Variants in ADAMTS18 observed in about 807,000 individuals in gnomAD.
ADAMTS18 encodes the protein ADAM metallopeptidase with thrombospondin type 1 motif 18, also known as A disintegrin and metalloproteinase with thrombospondin motifs 18.
Under a neutral mutation model 165.9 loss-of-function variants are expected in ADAMTS18, and 157 were observed. The observed-to-expected ratio is 0.95, with a 90% CI of 0.83 to 1.08. The LOEUF (loss-of-function observed/expected upper bound fraction) is 1.08. ADAMTS18 is among the 50% of genes least tolerant of loss of function. ADAMTS18 has a pLI of 0.00. For synonymous variants in ADAMTS18, 782 were observed against 578.2 expected (o/e 1.35, Z -5.06); for missense variants, 2,040 against 1,534.0 (o/e 1.33, Z -5.51).
chr16:77,373,780 C>A (rs1320248400), intron 3 of ADAMTS18, among the ~76,000 whole-genome samples: 1 of 152,178 alleles, frequency 6.6e-6, no homozygotes, highest in Non-Finnish European at 1.5e-5. Context: ...TCACAGTTTA[C>A]TGGCTTTATG....
rs76893165 is a variant in ADAMTS18 at position 77,374,001 on chromosome 16, G to A, written c.496-6278C>T. Among the ~76,000 whole-genome samples the A allele has an allele frequency of 5.0e-3, 765 of 152,086 alleles. 21 individuals carry two copies. The East Asian group carries it at 0.054, about 11-fold the overall frequency. On this transcript the variant is annotated intron_variant, in intron 3 of 22. Coordinates refer to ENST00000282849, the MANE Select transcript of ADAMTS18 (RefSeq NM_199355.4). ...CAGGAGGCCAAGGAGTGCAGATCAC[G>A]TGAGGTCAGGAGTTATAGACCAGCC...
Position 77,282,334 on chromosome 16 carries a change from G to GAAAT in ADAMTS18, c.*1618_*1621dup, listed in dbSNP as rs1442899010. The GAAAT allele has an allele frequency of 6.6e-6, 1 of 151,812 alleles. No individual in the cohort carries two copies. The highest frequency in any genetic ancestry group is 1.5e-5 in the Non-Finnish European group (1 of 67,964). The allele number at this position is 151,812 out of a possible 1,614,324, so 9.4% of individuals were successfully genotyped here. Reference sequence around the variant, plus strand: ...AATAATAAAATGATAATTATATAAAGAAATAACTTGCTGTTTTTCAGAAGG... The same window carrying GAAAT: ...AATAATAAAATGATAATTATATAAAGAAATAAATAACTTGCTGTTTTTCAGAAGG... On this transcript the variant is annotated 3_prime_UTR_variant, in exon 23 of 23. Transcript: ENST00000282849.
chr16:77,377,540 T>C (rs550148890), intron 3 of ADAMTS18, among the ~76,000 whole-genome samples: 3 of 152,348 alleles, frequency 2.0e-5, no homozygotes, highest in African/African-American at 7.2e-5. Flanking sequence ...GTATTTGAAA[T>C]AATAATAAAA....
At chr16:77,375,016 T>A (rs2056928668) in intron 3 of ADAMTS18, among the ~76,000 whole-genome samples, 1 of 152,054 alleles carries the variant, frequency 6.6e-6, no homozygotes, top group African/African-American at 2.4e-5. Context: ...AAAGAAACCA[T>A]CTGTTTATTT....
At chr16:77,393,886 C>T (rs1290447960) in intron 3 of ADAMTS18, among the ~76,000 whole-genome samples, 2 of 152,184 alleles carry the variant, frequency 1.3e-5, no homozygotes, top group Non-Finnish European at 2.9e-5. Flanking sequence ...CTTTGACAAA[C>T]AGAAGCCAAG....
rs148727471 is a variant in ADAMTS18, at chr16:77,370,790, G to GATATATATATATATATAT, written c.496-3068_496-3067insATATATATATATATATAT. Among the ~76,000 whole-genome samples, 406 of 146,994 alleles carry GATATATATATATATATAT rather than the reference G, an allele frequency of 2.8e-3. 1 individual carries two copies. Among genetic ancestry groups the GATATATATATATATATAT allele is most frequent in the African/African-American group, 0.01 (394 of 39,364 alleles). On this transcript the variant is annotated intron_variant, in intron 3 of 22. Coordinates refer to ENST00000282849, the MANE Select transcript of ADAMTS18 (RefSeq NM_199355.4). ...AAACAATCCCATTTATAATAGCTAC[G>GATATATATATATATATAT]ATATATATATATATATACATATACA...
Position 77,353,761 on chromosome 16 carries a change from G to A in ADAMTS18, c.1586C>T (p.Ala529Val). 1 of 1,614,082 alleles carries A rather than the reference G, an allele frequency of 6.2e-7. No homozygotes were observed. The highest frequency in any genetic ancestry group is 8.5e-7 in the Non-Finnish European group (1 of 1,180,022). The change falls in exon 10 of 23, where the codon GCC becomes GTC. Residue 529 changes from alanine (A) to valine (V), a missense_variant. Transcript: ENST00000282849. ...CACAAAACCAAGGCTGCATAACTTG[G>A]CTTTTGCTCCAAATTGCCATTTACA... ...TQCKWQFGAK[A>V]KLCSLGFVKD... is the part of the protein sequence containing the mutation.
rs966573905 is a variant in ADAMTS18 at position 77,364,270 on chromosome 16, G to A, written c.890C>T (p.Thr297Ile). The part of the protein sequence containing the change: ...GKSQKGLNVE[T>I]LVVADKKMVE... The stretch of plus-strand genomic sequence containing the variant: ...CATTTTCTTGTCTGCCACCACGAGG[G>A]TTTCCACATTGAGGCCCTTTTGTGA... The change falls in exon 5 of 23, where the codon ACC becomes ATC. Residue 297 changes from threonine to isoleucine, a missense_variant. Physicochemically the swap from Thr to Ile is moderately conservative, Grantham distance 89 (BLOSUM62 -1). Coordinates refer to ENST00000282849, the MANE Select transcript of ADAMTS18 (RefSeq NM_199355.4). The A allele has an allele frequency of 1.9e-6, 3 of 1,613,912 alleles. No homozygotes were observed. The highest frequency in any genetic ancestry group is 1.7e-5 in the Admixed American group (1 of 59,972).
intron 22 of ADAMTS18, among the ~76,000 whole-genome samples, chr16:77,286,727 G>C (rs1306268519): frequency 6.6e-6 from 1 of 152,108 alleles, no homozygotes; most frequent in Non-Finnish European, 1.5e-5. Flanking sequence ...TTAGTATTGA[G>C]TGCCTGCTCA....
intron 3 of ADAMTS18, among the ~76,000 whole-genome samples, chr16:77,424,260 G>A (rs916069451): frequency 6.6e-6 from 1 of 152,104 alleles, no homozygotes; most frequent in Non-Finnish European, 1.5e-5. Flanking sequence ...CCTAAGGTTG[G>A]GAGTTCAAGA....
chr16:77,354,616 G>A (rs1350814134), intron 9 of ADAMTS18, among the ~76,000 whole-genome samples: 1 of 151,394 alleles, frequency 6.6e-6, no homozygotes, highest in Non-Finnish European at 1.5e-5. Flanking sequence ...AGACAGATGG[G>A]GGTCCTAATC....
chr16:77,295,059 T>C lies in ADAMTS18; in HGVS notation c.2870A>G (p.Gln957Arg), dbSNP rs1413487306. The change falls in exon 19 of 23, where the codon CAG becomes CGG. Residue 957 changes from glutamine (Q) to arginine (R), a missense_variant. By Grantham distance (43) the Gln-to-Arg change is conservative. Transcript: ENST00000282849. ...CAGGQQSRKIQCVQKKPFQKE... is the reference protein window; with the variant it reads ...CAGGQQSRKIRCVQKKPFQKE... ...TTGGAAGGGCTTCTTTTGCACACAC[T>C]GGATCTTTCGGCTCTGCTGGCCTCC... The C allele has an allele frequency of 1.9e-6, 3 of 1,614,210 alleles. No homozygotes were observed. The Admixed American group carries it at 5.0e-5, about 27-fold the overall frequency.
intron 19 of ADAMTS18, among the ~76,000 whole-genome samples, chr16:77,294,290 G>C (rs1248415130): frequency 6.6e-6 from 1 of 152,052 alleles, no homozygotes; most frequent in Admixed American, 6.5e-5. Context: ...AGCTGGCCTG[G>C]GCTGTGTAGG....
chr16:77,395,296 T>C (rs1221788263), intron 3 of ADAMTS18, among the ~76,000 whole-genome samples: 18 of 152,138 alleles, frequency 1.2e-4, no homozygotes, highest in Admixed American at 1.2e-3. Context: ...GTAAGGTCCT[T>C]AGGACTGGCC....
intron 3 of ADAMTS18, among the ~76,000 whole-genome samples, chr16:77,370,692 G>A (rs905189468): frequency 6.6e-6 from 1 of 152,132 alleles, no homozygotes; most frequent in Admixed American, 6.5e-5. Flanking sequence ...GGAGGTTACA[G>A]TGAGCAGAGA....
intron 10 of ADAMTS18, among the ~76,000 whole-genome samples, chr16:77,349,444 C>T (rs550124306): frequency 2.4e-4 from 36 of 150,086 alleles, no homozygotes; most frequent in African/African-American, 8.7e-4. Context: ...TCCCCTGCCC[C>T]ACTGTGTCTA....
chr16:77,403,259 C>G (rs935276834), intron 3 of ADAMTS18, among the ~76,000 whole-genome samples: 1 of 152,088 alleles, frequency 6.6e-6, no homozygotes, highest in Non-Finnish European at 1.5e-5. Context: ...ATTTTTTTAT[C>G]CTTAGGCTAA....
Position 77,325,948 on chromosome 16 carries a change from A to G in ADAMTS18, c.1950T>C (p.Phe650=). The G allele has an allele frequency of 6.2e-7, 1 of 1,614,144 alleles. No homozygotes were observed. Among genetic ancestry groups the G allele is most frequent in the Non-Finnish European group, 8.5e-7 (1 of 1,180,006 alleles). The change falls in exon 13 of 23, where the codon TTT becomes TTC. Residue 650 remains phenylalanine, a synonymous_variant. Coordinates refer to ENST00000282849, the MANE Select transcript of ADAMTS18 (RefSeq NM_199355.4). ...TATATTCTGCACACTGTTGAGCCCG[A>G]AAATCCAAGCTATTTTCATTGCAAG... is the stretch of plus-strand genomic sequence containing the variant. ...INPCNENSLD[F]RAQQCAEYNS...
chr16:77,400,747 G>C (rs1567541991), intron 3 of ADAMTS18, among the ~76,000 whole-genome samples: 1 of 151,640 alleles, frequency 6.6e-6, no homozygotes, highest in Non-Finnish European at 1.5e-5. Context: ...GGGATTACAG[G>C]AGTGAGCCAC....
Sources: allele counts gnomAD v4.1 joint callset (sites outside exome capture counted in the v4.1 genomes callset), GRCh38; gene constraint gnomAD v4.1.1; transcripts MANE v1.5; gene names NCBI Gene and HGNC (gene_info 2026-07-23, HGNC 2026-07-21).